The following SORCS3 variants were observed in gnomAD, a reference collection of about 807,000 sequenced individuals.
SORCS3 encodes the protein sortilin related VPS10 domain containing receptor 3.
A neutral mutation model predicts 146.3 loss-of-function variants in SORCS3; 57 were observed. That is an observed-to-expected ratio of 0.39 (90% CI 0.31 to 0.49). The LOEUF (loss-of-function observed/expected upper bound fraction) is 0.49. Ranked by LOEUF, SORCS3 falls within the 20% of genes least tolerant of loss-of-function variation. The pLI is 0.92. For synonymous variants in SORCS3, 653 were observed against 618.5 expected (o/e 1.06, Z -0.83); for missense variants, 1,341 against 1,575.5 (o/e 0.85, Z 2.52).
At chr10:105,095,429 T>G (rs2055738968) in intron 6 of SORCS3, among the ~76,000 whole-genome samples, 1 of 152,152 alleles carries the variant, frequency 6.6e-6, no homozygotes, top group African/African-American at 2.4e-5. Context: ...GGGACTGTAC[T>G]CTGAGCAGAC....
At chr10:104,991,196 C>G (rs1384509399) in intron 4 of SORCS3, among the ~76,000 whole-genome samples, 1 of 152,130 alleles carries the variant, frequency 6.6e-6, no homozygotes, top group Non-Finnish European at 1.5e-5. Flanking sequence ...AAAATGTTCT[C>G]TATATTGTTT....
At chr10:105,057,297 A>G (rs1397722000) in intron 5 of SORCS3, among the ~76,000 whole-genome samples, 1 of 152,130 alleles carries the variant, frequency 6.6e-6, no homozygotes. Flanking sequence ...GTTTTTTTTA[A>G]TGACAGAAGA....
intron 16 of SORCS3, among the ~76,000 whole-genome samples, chr10:105,202,658 T>C (rs974586168): frequency 3.3e-5 from 5 of 152,164 alleles, no homozygotes; most frequent in African/African-American, 1.2e-4. Flanking sequence ...TTTTAGACTT[T>C]CCTTGTTTCT....
intron 1 of SORCS3, among the ~76,000 whole-genome samples, chr10:104,834,749 T>C (rs1444603909): frequency 7.9e-5 from 12 of 151,910 alleles, no homozygotes; most frequent in Admixed American, 2.6e-4. Context: ...GCAAAGAGGC[T>C]GGTTTGTTTT....
chr10:104,883,525 T>C (rs1282713868), intron 2 of SORCS3, among the ~76,000 whole-genome samples: 1 of 152,186 alleles, frequency 6.6e-6, no homozygotes, highest in Non-Finnish European at 1.5e-5. Context: ...CCTTAGACTT[T>C]ACCTCATTTA....
chr10:105,188,612 A>C (rs1317203304), intron 14 of SORCS3, among the ~76,000 whole-genome samples: 1 of 152,210 alleles, frequency 6.6e-6, no homozygotes, highest in Non-Finnish European at 1.5e-5. Flanking sequence ...GAAATTGCTA[A>C]ATAGTGGCTT....
At chr10:104,681,356 G>A (rs2015972644) in intron 1 of SORCS3, among the ~76,000 whole-genome samples, 1 of 152,122 alleles carries the variant, frequency 6.6e-6, no homozygotes, top group Admixed American at 6.6e-5. Context: ...CCTGCAGTGT[G>A]GGGGCTGCTG....
intron 5 of SORCS3, among the ~76,000 whole-genome samples, chr10:105,059,030 C>G (rs1564744573): frequency 6.6e-6 from 1 of 152,178 alleles, no homozygotes; most frequent in Non-Finnish European, 1.5e-5. Context: ...CTCTGGATCT[C>G]TGGACCTGGG....
intron 4 of SORCS3, among the ~76,000 whole-genome samples, chr10:105,022,083 G>A (rs1427817487): frequency 6.6e-6 from 1 of 152,032 alleles, no homozygotes; most frequent in African/African-American, 2.4e-5. Flanking sequence ...AGATTTTTGG[G>A]GCAGTGAAAC....
intron 14 of SORCS3, among the ~76,000 whole-genome samples, chr10:105,187,713 A>G (rs1156615634): frequency 1.3e-5 from 2 of 152,234 alleles, no homozygotes; most frequent in Non-Finnish European, 2.9e-5. Context: ...GGGAGTCCAC[A>G]TGAATCAAGT....
intron 3 of SORCS3, among the ~76,000 whole-genome samples, chr10:104,936,274 A>G (rs2019259288): frequency 6.6e-6 from 1 of 152,220 alleles, no homozygotes; most frequent in Admixed American, 6.5e-5. Flanking sequence ...GAGCAAGAAA[A>G]AAAAATGGCT....
Position 104,709,896 on chromosome 10 carries a change from G to T in SORCS3, c.627+67942G>T, listed in dbSNP as rs563803007. ...AACACAAACTCAGGCAGTGGTGTTG[G>T]TTTTTTTTTTTTTAATTAAAAAAAT... On this transcript the variant is annotated intron_variant, in intron 1 of 26. Coordinates refer to ENST00000369701, the MANE Select transcript of SORCS3 (RefSeq NM_014978.3). Among the ~76,000 whole-genome samples, 439 of 142,388 alleles carry T rather than the reference G, an allele frequency of 3.1e-3. 2 individuals are homozygous for T. Among genetic ancestry groups the T allele is most frequent in the African/African-American group, 0.011 (418 of 39,140 alleles). The allele number at this position is 142,388 out of a possible 152,430, so 93.4% of individuals were successfully genotyped here.
chr10:104,706,432 C>A (rs970778152), intron 1 of SORCS3, among the ~76,000 whole-genome samples: 1 of 151,966 alleles, frequency 6.6e-6, no homozygotes, highest in East Asian at 1.9e-4. Context: ...TGGTCTCCAT[C>A]TCTTGACCTC....
chr10:105,218,422 G>A (rs1008756686), intron 19 of SORCS3, among the ~76,000 whole-genome samples: 1 of 152,176 alleles, frequency 6.6e-6, no homozygotes, highest in Admixed American at 6.5e-5. Flanking sequence ...ACTCTGCTAG[G>A]CACTGGGAGG....
intron 2 of SORCS3, among the ~76,000 whole-genome samples, chr10:104,866,512 T>C (rs953449108): frequency 2.6e-5 from 4 of 152,218 alleles, no homozygotes; most frequent in Admixed American, 6.5e-5. Flanking sequence ...ATTTTGGTGC[T>C]TGGAAAAATC....
At chr10:104,800,110 T>G (rs1383323931) in intron 1 of SORCS3, among the ~76,000 whole-genome samples, 1 of 152,094 alleles carries the variant, frequency 6.6e-6, no homozygotes, top group East Asian at 1.9e-4. Flanking sequence ...GGTGAATGGA[T>G]AAACTGTGAT....
chr10:104,663,710 G>C (rs78779586), intron 1 of SORCS3, among the ~76,000 whole-genome samples: 1,965 of 152,238 alleles, frequency 0.013, 46 homozygotes, highest in African/African-American at 0.045. Context: ...TTAGCCTCTT[G>C]CTCTCTGAAA....
At position 105,242,060 on chromosome 10, in the gene SORCS3, G is replaced by A. The variant is rs557482031; in HGVS notation, c.2869-3482G>A. Among the ~76,000 whole-genome samples the A allele has an allele frequency of 1.4e-4, 21 of 151,762 alleles. No individual in the cohort carries two copies. In the South Asian group the frequency reaches 3.3e-3, roughly 24 times the overall value. ...GGAGGTGGGGTTTCACTGGGTACCC[G>A]CCCCTATCTGCCTAGGCATTTGGCT... is the stretch of plus-strand genomic sequence containing the variant. On this transcript the variant is annotated intron_variant, in intron 20 of 26. Coordinates refer to ENST00000369701, the MANE Select transcript of SORCS3 (RefSeq NM_014978.3).
chr10:105,181,250 G>A (rs1217891348), intron 14 of SORCS3, among the ~76,000 whole-genome samples: 1 of 152,168 alleles, frequency 6.6e-6, no homozygotes, highest in Non-Finnish European at 1.5e-5. Flanking sequence ...TCTGGCCCAT[G>A]GCTCTAGCAT....
Sources: allele counts gnomAD v4.1 joint callset (sites outside exome capture counted in the v4.1 genomes callset), GRCh38; gene constraint gnomAD v4.1.1; transcripts MANE v1.5; gene names NCBI Gene and HGNC (gene_info 2026-07-23, HGNC 2026-07-21).